The following AP4S1 variants were observed in gnomAD, a reference collection of about 807,000 sequenced individuals.
AP4S1 encodes AP-4 complex subunit sigma-1.
AP4S1 carries 23 observed loss-of-function variants against 19.8 expected under a neutral mutation model. That is an observed-to-expected ratio of 1.16 (90% CI 0.84 to 1.65). AP4S1 has a LOEUF of 1.65. AP4S1 is among the 40% of genes most tolerant of loss of function. The pLI, the probability that AP4S1 is intolerant of heterozygous loss-of-function variation, is 0.00. For missense variants in AP4S1, 166 were observed against 172.8 expected, an observed-to-expected ratio of 0.96 and a Z score of 0.22; for synonymous variants, 46 against 54.1, an observed-to-expected ratio of 0.85 and a Z score of 0.66.
chr14:31,074,593 A>G (rs1276528701), intron 4 of AP4S1, among the ~76,000 whole-genome samples: 1 of 152,034 alleles, frequency 6.6e-6, no homozygotes, highest in Non-Finnish European at 1.5e-5. Context: ...GAATGGCGTG[A>G]ACCTGGGAGG....
At chr14:31,048,752 A>T (rs1476047442) in intron 1 of AP4S1, among the ~76,000 whole-genome samples, 1 of 152,004 alleles carries the variant, frequency 6.6e-6, no homozygotes, top group African/African-American at 2.4e-5. Flanking sequence ...CAAAAAAACA[A>T]ATCTAGCCAC....
chr14:31,085,502 A>C, intron 5 of AP4S1: 1 of 986,024 alleles, frequency 1.0e-6, no homozygotes, highest in East Asian at 1.1e-4. Flanking sequence ...GACCGGGCAC[A>C]GTGGCTCACG....
intron 1 of AP4S1, among the ~76,000 whole-genome samples, chr14:31,047,616 C>T (rs906672078): frequency 1.3e-5 from 2 of 151,850 alleles, no homozygotes; most frequent in African/African-American, 2.4e-5. Flanking sequence ...AGGATGGTCT[C>T]GATCTCCTGA....
intron 5 of AP4S1, among the ~76,000 whole-genome samples, chr14:31,089,880 C>G (rs1047095774): frequency 1.3e-5 from 2 of 152,202 alleles, no homozygotes; most frequent in African/African-American, 4.8e-5. Context: ...GATCACCCCA[C>G]TCCACTCTAG....
At chr14:31,041,229 A>C (rs1885095640) in intron 1 of AP4S1, among the ~76,000 whole-genome samples, 1 of 151,962 alleles carries the variant, frequency 6.6e-6, no homozygotes, top group African/African-American at 2.4e-5. Flanking sequence ...TGCTCACTGC[A>C]ACCTCCACCT....
intron 2 of AP4S1, among the ~76,000 whole-genome samples, chr14:31,067,612 G>A (rs1230018835): frequency 2.7e-5 from 4 of 150,610 alleles, no homozygotes; most frequent in African/African-American, 4.9e-5. Context: ...TCCACTTCCC[G>A]GGTTCAAGCG....
At chr14:31,049,151 C>T (rs1364652213) in intron 1 of AP4S1, among the ~76,000 whole-genome samples, 2 of 151,622 alleles carry the variant, frequency 1.3e-5, no homozygotes, top group African/African-American at 2.4e-5. Flanking sequence ...TGGTGGCTCA[C>T]GCCTGTAATC....
intron 1 of AP4S1, among the ~76,000 whole-genome samples, chr14:31,051,045 A>G (rs1885760890): frequency 6.6e-6 from 1 of 152,064 alleles, no homozygotes; most frequent in Non-Finnish European, 1.5e-5. Flanking sequence ...GCTTGAGCCC[A>G]GGAGTTCAAA....
At chr14:31,044,895 C>T (rs1008093992) in intron 1 of AP4S1, among the ~76,000 whole-genome samples, 2 of 151,336 alleles carry the variant, frequency 1.3e-5, no homozygotes, top group Admixed American at 6.6e-5. Flanking sequence ...TTAAAAGATA[C>T]GTTTTCTATA....
At chr14:31,032,882 A>G (rs1884488684) in intron 1 of AP4S1, 1 of 152,200 alleles carries the variant, frequency 6.6e-6, no homozygotes. Flanking sequence ...TCCTTCTACC[A>G]AAGAGTTCAA....
At chr14:31,026,408 A>T in intron 1 of AP4S1, 13 of 10,758 alleles carry the variant, frequency 1.2e-3, no homozygotes, top group Non-Finnish European at 1.5e-3. Context: ...CTTTAGGGGA[A>T]GGGGGGGCCT....
At chr14:31,026,464 G>A (rs1594611225) in intron 1 of AP4S1, 1 of 392,092 alleles carries the variant, frequency 2.6e-6, no homozygotes, top group East Asian at 4.5e-5. Flanking sequence ...TAGGCGGAGG[G>A]CCGTCACTAG....
At chr14:31,084,471 A>G (rs1411106613) in intron 5 of AP4S1, among the ~76,000 whole-genome samples, 2 of 152,254 alleles carry the variant, frequency 1.3e-5, no homozygotes, top group South Asian at 2.1e-4. Flanking sequence ...ACCTAAGCAT[A>G]AGAAATCAGG....
At chr14:31,028,651 A>G (rs1485733306) in intron 1 of AP4S1, among the ~76,000 whole-genome samples, 2 of 151,868 alleles carry the variant, frequency 1.3e-5, no homozygotes, top group East Asian at 1.9e-4. Context: ...GGTGGCTCAC[A>G]CCTATAATCC....
At chr14:31,087,708 T>C (rs1052209523) in intron 5 of AP4S1, among the ~76,000 whole-genome samples, 1 of 152,194 alleles carries the variant, frequency 6.6e-6, no homozygotes, top group African/African-American at 2.4e-5. Context: ...TGTGGCAATT[T>C]AGTCTCTAAT....
intron 5 of AP4S1, chr14:31,083,729 C>T (rs1037630538): frequency 2.9e-6 from 1 of 346,832 alleles, no homozygotes; most frequent in African/African-American, 2.2e-5. Context: ...AGGCTGGTCT[C>T]AAACTTCTGG....
chr14:31,081,989 G>A lies in AP4S1; in HGVS notation c.306+1405G>A, dbSNP rs563626256. ...TGGGATTACAGGCGTGAGCCACCAC[G>A]TCCGGCCTAATTTATAAATTTATAT... is the stretch of plus-strand genomic sequence containing the variant. On this transcript the variant is annotated intron_variant, in intron 5 of 5. Transcript: ENST00000542754. 2.2e-4 allele frequency among the ~76,000 whole-genome samples: 33 copies of A among 152,156 alleles called. No individual in the cohort carries two copies. The East Asian group carries it at 4.6e-3, about 21-fold the overall frequency.
chr14:31,079,919 G>A (rs1566543248), intron 4 of AP4S1, among the ~76,000 whole-genome samples: 1 of 152,014 alleles, frequency 6.6e-6, no homozygotes, highest in Non-Finnish European at 1.5e-5. Flanking sequence ...ACTGCTGTTA[G>A]GTACATTTCC....
rs573790132 is a variant in AP4S1 at position 31,046,583 on chromosome 14, C to T, written c.-71-19543C>T. On this transcript the variant is annotated intron_variant, in intron 1 of 5. Coordinates refer to ENST00000542754, the MANE Select transcript of AP4S1 (RefSeq NM_001128126.3). ...AATTGCGGCCGGGCACGGTAGCTCA[C>T]GCCTGTTATCCCAGCACTTTGGGAG... 6.6e-5 allele frequency among the ~76,000 whole-genome samples: 10 copies of T among 152,212 alleles called. No homozygotes were observed. In the South Asian group the frequency reaches 1.5e-3, roughly 22 times the overall value.
Sources: gnomAD v4.1 joint callset for allele counts (sites outside exome capture counted in the v4.1 genomes callset) on GRCh38, gnomAD v4.1.1 for gene constraint, MANE v1.5 for transcripts, NCBI Gene and HGNC (gene_info 2026-07-23, HGNC 2026-07-21) for gene names.